SEPTIN8: variants seen among roughly 807,000 people sequenced by gnomAD.
SEPTIN8 encodes the protein septin 8, also known as septin-8.
SEPTIN8 carries 22 observed loss-of-function variants against 53.1 expected under a neutral mutation model. The observed-to-expected ratio is 0.41, with a 90% CI of 0.30 to 0.59. The LOEUF is 0.59. Among genes scored for constraint, SEPTIN8 ranks in the 20% least tolerant of loss-of-function variants. The pLI is 0.24. For synonymous variants in SEPTIN8, 228 were observed against 248.4 expected (o/e 0.92, Z 0.77); for missense variants, 536 against 638.7 (o/e 0.84, Z 1.73).
chr5:132,761,643 G>A lies in SEPTIN8; in HGVS notation c.794-17C>T, dbSNP rs373410289. On this transcript the variant is annotated splice_polypyrimidine_tract_variant and intron_variant, in intron 6 of 9. Transcript: ENST00000378719. The surrounding 1 kb of genome is among the most constrained non-coding windows in gnomAD (Gnocchi z 5.8). ...CATTCTCCACTGAAAGCAGAGGGCC[G>A]GTGGGGTATCAGGCAGGCATGCAGG... 2.9e-4 allele frequency: 465 copies of A among 1,612,330 alleles called. No homozygotes were observed. The highest frequency in any genetic ancestry group is 6.6e-4 in the Middle Eastern group (4 of 6,048).
chr5:132,777,493 G>A, upstream of SEPTIN8: 1 of 966,036 alleles, frequency 1.0e-6, no homozygotes, highest in Non-Finnish European at 1.2e-6. The surrounding 1 kb of genome is among the most constrained non-coding windows in gnomAD (Gnocchi z 4.1). Flanking sequence ...CGGGGCTGGT[G>A]CCCGGCGGGC....
intron 1 of SEPTIN8, among the ~76,000 whole-genome samples, chr5:132,770,167 G>GTATA (rs1757175887): frequency 8.4e-6 from 1 of 118,360 alleles, no homozygotes; most frequent in Non-Finnish European, 1.7e-5. Context: ...ATATATATAT[G>GTATA]TATATATGTA....
intron 9 of SEPTIN8, chr5:132,752,857 C>G (rs759581267): frequency 5.6e-6 from 9 of 1,611,258 alleles, no homozygotes; most frequent in Non-Finnish European, 7.6e-6. Flanking sequence ...CCACTCTATT[C>G]TAATACAGGT....
chr5:132,756,763 C>T (rs766703595), intron 9 of SEPTIN8: 44 of 985,290 alleles, frequency 4.5e-5, no homozygotes, highest in Non-Finnish European at 4.9e-5. Context: ...CAGCCAGCCA[C>T]GAGTATGGCC....
Position 132,764,284 on chromosome 5 carries a change from T to C in SEPTIN8, c.287A>G (p.Gln96Arg). 1.2e-6 allele frequency: 2 copies of C among 1,614,178 alleles called. No homozygotes were observed. Among genetic ancestry groups the C allele is most frequent in the Non-Finnish European group, 1.7e-6 (2 of 1,180,018 alleles). The change falls in exon 3 of 10, where the codon CAG becomes CGG. Residue 96 changes from glutamine (Q) to arginine (R), a missense_variant. Transcript: ENST00000378719. ...GGCATCCACAATGGTCAGCTTGAGC[T>C]GCACGTTGCTCTCCTGGAGGTCATA... ...QTYDLQESNVQLKLTIVDAVG... is the reference protein window; with the variant it reads ...QTYDLQESNVRLKLTIVDAVG...
upstream of SEPTIN8, chr5:132,777,512 G>A: frequency 4.2e-6 from 4 of 959,698 alleles, no homozygotes; most frequent in Non-Finnish European, 5.0e-6. This position sits in a 1 kb window ranked among gnomAD's most constrained non-coding sequence, Gnocchi z 4.1. Flanking sequence ...GCCTCTGCGT[G>A]TCCCCTGGAG....
intron 9 of SEPTIN8, chr5:132,758,786 A>G (rs780897495): frequency 1.9e-6 from 3 of 1,614,162 alleles, no homozygotes; most frequent in Non-Finnish European, 2.5e-6. Context: ...ATGAAAGTCT[A>G]AAGTCCACTC....
chr5:132,763,882 T>A lies in SEPTIN8; in HGVS notation c.358A>T (p.Ile120Leu). 2 of 1,573,050 alleles carry A rather than the reference T, an allele frequency of 1.3e-6. No individual in the cohort carries two copies. The highest frequency in any genetic ancestry group is 1.7e-6 in the Non-Finnish European group (2 of 1,158,136). The change falls in exon 4 of 10, where the codon ATA becomes TTA. Residue 120 changes from isoleucine to leucine, a missense_variant. Around this residue, in one of 3 missense-constraint regions of SEPTIN8, gnomAD observed 395 missense variants for 451.8 expected, o/e 0.87. Coordinates refer to ENST00000378719, the MANE Select transcript of SEPTIN8 (RefSeq NM_001098811.2). The stretch of plus-strand genomic sequence containing the variant: ...AACTGCGCATCGATGTAGTCAACTA[T>A]GGGCCTGTAACTACAGACAGCTCCA... ...QINKDESYRPIVDYIDAQFEN... is the reference protein window; with the variant it reads ...QINKDESYRPLVDYIDAQFEN...
chr5:132,766,110 AC>A (rs1756562331), intron 1 of SEPTIN8, among the ~76,000 whole-genome samples: 2 of 151,944 alleles, frequency 1.3e-5, no homozygotes, highest in African/African-American at 4.8e-5. Context: ...TCACACACCC[AC>A]GTGTGGGACT....
intron 2 of SEPTIN8, among the ~76,000 whole-genome samples, chr5:132,764,773 C>A (rs1173280464): frequency 6.6e-6 from 1 of 152,202 alleles, no homozygotes; most frequent in Non-Finnish European, 1.5e-5. Flanking sequence ...CTACACAACA[C>A]CCCTCCTGGG....
At chr5:132,769,236 A>G (rs1345003460) in intron 1 of SEPTIN8, among the ~76,000 whole-genome samples, 2 of 152,202 alleles carry the variant, frequency 1.3e-5, no homozygotes, top group African/African-American at 4.8e-5. Flanking sequence ...AAGCTAGGGA[A>G]CTAACCAGGG....
At chr5:132,763,955 G>C (rs1397631104) in intron 3 of SEPTIN8, 63 bp from the exon 4 acceptor site, 8 of 1,471,870 alleles carry the variant, frequency 5.4e-6, no homozygotes, top group Non-Finnish European at 6.4e-6. Context: ...GGCTTGGGGG[G>C]CTCAGGGCTC....
Position 132,761,558 on chromosome 5 carries a change from G to A in SEPTIN8, c.862C>T (p.Leu288Phe), listed in dbSNP as rs1464555387. 3 of 1,613,936 alleles carry A rather than the reference G, an allele frequency of 1.9e-6. No homozygotes were observed. Among genetic ancestry groups the A allele is most frequent in the African/African-American group, 1.3e-5 (1 of 74,998 alleles). The change falls in exon 7 of 10, where the codon CTC (leucine) becomes TTC (phenylalanine). Residue 288 changes from leucine (L) to phenylalanine (F), a missense_variant. Leu to Phe is a conservative substitution (Grantham distance 22). Transcript: ENST00000378719. The surrounding 1 kb of genome is among the most constrained non-coding windows in gnomAD (Gnocchi z 5.8). ...TGCCGGCTGTGGGTCTGCTCGCGGA[G>A]GTCTTCCATGTTCACCCGGATCAAC... ...EMLIRVNMEDLREQTHSRHYE... is the reference protein window; with the variant it reads ...EMLIRVNMEDFREQTHSRHYE...
chr5:132,764,552 C>T lies in SEPTIN8; in HGVS notation c.152-133G>A. 1.5e-5 allele frequency: 10 copies of T among 657,936 alleles called. No homozygotes were observed. In the South Asian group the frequency reaches 1.8e-4, roughly 12 times the overall value. 40.8% of individuals were successfully genotyped at this position (657,936 alleles called of 1,614,324 possible). ...ATAAGAGAAAGGGGCAGGCCGCCCA[C>T]CCCATCCCTCATCACCCCCATTCCC... On this transcript the variant is annotated intron_variant, in intron 2 of 9. Transcript: ENST00000378719.
chr5:132,777,147 C>T lies in SEPTIN8; in HGVS notation c.-10G>A, dbSNP rs2150012921. 2.6e-6 allele frequency: 3 copies of T among 1,160,742 alleles called. No homozygotes were observed. The highest frequency in any genetic ancestry group is 3.9e-5 in the East Asian group (1 of 25,344). 71.9% of individuals were successfully genotyped at this position (1,160,742 alleles called of 1,614,324 possible). ...GGTCGGTGGCCGCCATGGCGAGCTC[C>T]GCACCGGGCGGGTGGGCTGGGACGA... On this transcript the variant is annotated 5_prime_UTR_variant, in exon 1 of 10. Transcript: ENST00000378719. The surrounding 1 kb of genome is among the most constrained non-coding windows in gnomAD (Gnocchi z 4.1).
At chr5:132,764,973 G>C (rs1324644850) in intron 2 of SEPTIN8, among the ~76,000 whole-genome samples, 1 of 151,914 alleles carries the variant, frequency 6.6e-6, no homozygotes, top group East Asian at 1.9e-4. Flanking sequence ...GGGAACCTCC[G>C]AGAGCCTCTC....
rs1446963647 is a variant in SEPTIN8 at position 132,770,071 on chromosome 5, ATATATATATG to A, written c.31-4552_31-4543del. Among the ~76,000 whole-genome samples, 40 of 65,602 alleles carry A rather than the reference ATATATATATG, an allele frequency of 6.1e-4. 1 individual carries two copies. The highest frequency in any genetic ancestry group is 1.5e-3 in the African/African-American group (6 of 4,078). The allele number at this position is 65,602 out of a possible 152,430, so 43.0% of individuals were successfully genotyped here. A position where few individuals can be genotyped will look rare whatever the true frequency, so the allele number is the denominator to read the frequency against. ...TGTGTGTGTGTGTGTGTGTATATAT[ATATATATATG>A]TATATATGTATATATATATGTATAT... On this transcript the variant is annotated intron_variant, in intron 1 of 9. Coordinates refer to ENST00000378719, the MANE Select transcript of SEPTIN8 (RefSeq NM_001098811.2).
intron 2 of SEPTIN8, among the ~76,000 whole-genome samples, 186 bp from the exon 3 acceptor site, chr5:132,764,605 G>GA (rs1460734606): frequency 6.6e-6 from 1 of 152,182 alleles, no homozygotes; most frequent in East Asian, 1.9e-4. Context: ...TGTGGCCTCA[G>GA]AAATAACCTG....
In SEPTIN8 at chr5:132,754,130, G is replaced by A; in HGVS notation, c.1287-1949C>T. On this transcript the variant is annotated intron_variant, in intron 9 of 9. Transcript: ENST00000378719. ...TTTCTTGACACACTTTTGCTTGTTG[G>A]TGCTTTCGTTAAAATTACACTTTAA... 3 of 378,118 alleles carry A rather than the reference G, an allele frequency of 7.9e-6. No homozygotes were observed. In the South Asian group the frequency reaches 1.2e-4, roughly 15 times the overall value. 23.4% of individuals were successfully genotyped at this position (378,118 alleles called of 1,614,324 possible).
Sources: allele counts gnomAD v4.1 joint callset (sites outside exome capture counted in the v4.1 genomes callset), GRCh38; gene constraint gnomAD v4.1.1; regional missense constraint gnomAD v4.1.1; non-coding constraint Gnocchi (gnomAD v3.1); transcripts MANE v1.5; gene names NCBI Gene and HGNC (gene_info 2026-07-23, HGNC 2026-07-21).